The following GNA12 variants were observed in gnomAD, a reference collection of about 807,000 sequenced individuals.
The protein encoded by GNA12 is guanine nucleotide-binding protein subunit alpha-12.
In GNA12, 9 loss-of-function variants were observed where a neutral mutation model predicts 26.0. The ratio of observed to expected loss-of-function variants is 0.35; its 90% confidence interval spans 0.21 to 0.60. GNA12 has a LOEUF of 0.60. Ranked by LOEUF, GNA12 falls within the 20% of genes least tolerant of loss-of-function variation. The pLI is 0.78. For missense variants in GNA12, 405 were observed against 525.8 expected (o/e 0.77, Z 2.25); for synonymous variants, 264 against 219.6 (o/e 1.20, Z -1.79).
At chr7:2,767,895 C>T (rs1374154686) in intron 2 of GNA12, among the ~76,000 whole-genome samples, 3 of 152,204 alleles carry the variant, frequency 2.0e-5, no homozygotes, top group African/African-American at 7.2e-5. Context: ...CACTCTGTCA[C>T]CCGGGCTGGA....
intron 1 of GNA12, among the ~76,000 whole-genome samples, chr7:2,807,224 C>T (rs1792971004): frequency 6.6e-6 from 1 of 152,140 alleles, no homozygotes; most frequent in Admixed American, 6.5e-5. Flanking sequence ...ATGGAATAGA[C>T]ATTTGGCTTC....
At chr7:2,813,275 T>C (rs1244581447) in intron 1 of GNA12, among the ~76,000 whole-genome samples, 6 of 152,244 alleles carry the variant, frequency 3.9e-5, no homozygotes, top group African/African-American at 1.4e-4. Context: ...AAACTATAAA[T>C]ATTTATGAGC....
intron 1 of GNA12, among the ~76,000 whole-genome samples, chr7:2,831,921 T>G (rs1462329110): frequency 3.3e-5 from 5 of 152,184 alleles, no homozygotes; most frequent in Non-Finnish European, 7.3e-5. Flanking sequence ...AAGTAATGAC[T>G]CCCTTATCAC....
chr7:2,788,604 C>T (rs1430443700), intron 2 of GNA12, among the ~76,000 whole-genome samples: 1 of 152,214 alleles, frequency 6.6e-6, no homozygotes, highest in Non-Finnish European at 1.5e-5. Flanking sequence ...AAAGATGCTA[C>T]CGGCCTGCTC....
At chr7:2,741,824 G>C (rs970146880) in intron 2 of GNA12, among the ~76,000 whole-genome samples, 5 of 150,830 alleles carry the variant, frequency 3.3e-5, no homozygotes, top group Non-Finnish European at 7.4e-5. Context: ...TGCTTCAGGA[G>C]AACGCCGCAA....
intron 1 of GNA12, among the ~76,000 whole-genome samples, chr7:2,841,691 CG>C (rs1778992511): frequency 6.6e-6 from 1 of 152,132 alleles, no homozygotes; most frequent in Admixed American, 6.6e-5. Flanking sequence ...ATGTCAAGTG[CG>C]AATACTGGCC....
chr7:2,764,297 G>A (rs1791711231), intron 2 of GNA12, among the ~76,000 whole-genome samples: 1 of 151,242 alleles, frequency 6.6e-6, no homozygotes, highest in Non-Finnish European at 1.5e-5. Context: ...TGCCCAGGCA[G>A]GTCTCAAACT....
intron 2 of GNA12, 112 bp downstream of exon 2, chr7:2,794,816 T>G (rs1226802472): frequency 2.6e-6 from 2 of 770,632 alleles, no homozygotes; most frequent in Non-Finnish European, 4.4e-6. Context: ...TACGGTGATT[T>G]AGAGCTTGCT....
At chr7:2,825,943 T>C (rs527820261) in intron 1 of GNA12, among the ~76,000 whole-genome samples, 4 of 152,124 alleles carry the variant, frequency 2.6e-5, no homozygotes, top group African/African-American at 9.6e-5. Context: ...AATACTGAGA[T>C]GCCATTCCTC....
chr7:2,821,157 T>A (rs936995801), intron 1 of GNA12, among the ~76,000 whole-genome samples: 1 of 152,258 alleles, frequency 6.6e-6, no homozygotes, highest in African/African-American at 2.4e-5. Flanking sequence ...TTCTGCTTAT[T>A]CTTGGCTTAA....
At chr7:2,814,520 T>C (rs924726539) in intron 1 of GNA12, 3 of 693,774 alleles carry the variant, frequency 4.3e-6, no homozygotes, top group Non-Finnish European at 7.6e-6. Context: ...TTTGAGGAAA[T>C]TTCTTCTGCA....
chr7:2,745,975 C>G (rs1330499288), intron 2 of GNA12, among the ~76,000 whole-genome samples: 1 of 152,118 alleles, frequency 6.6e-6, no homozygotes, highest in Non-Finnish European at 1.5e-5. Flanking sequence ...GCTAACTATC[C>G]TAAATATATA....
intron 1 of GNA12, among the ~76,000 whole-genome samples, chr7:2,831,254 C>T (rs113349598): frequency 0.012 from 1,790 of 152,040 alleles, 17 homozygotes; most frequent in Non-Finnish European, 0.019. Context: ...CTGACCAGCT[C>T]ATCTCCCAGG....
At chr7:2,793,178 A>T (rs889341787) in intron 2 of GNA12, among the ~76,000 whole-genome samples, 5 of 152,236 alleles carry the variant, frequency 3.3e-5, no homozygotes, top group Admixed American at 1.3e-4. Context: ...CAAGGTCATG[A>T]AAGGCAAGGA....
chr7:2,828,306 T>C (rs1793528839), intron 1 of GNA12, among the ~76,000 whole-genome samples: 1 of 152,212 alleles, frequency 6.6e-6, no homozygotes, highest in Non-Finnish European at 1.5e-5. Flanking sequence ...ATAAAATAAC[T>C]ATCACCAATG....
rs768279667 is a variant in GNA12, at chr7:2,843,982, G to T, written c.180C>A (p.Ile60=). 1.3e-6 allele frequency: 2 copies of T among 1,584,068 alleles called. No individual in the cohort carries two copies. Among genetic ancestry groups the T allele is most frequent in the Admixed American group, 3.5e-5 (2 of 57,496 alleles). ...CGCTCTCGCCCGCGCCCAGCAGCAG[G>T]ATCTTCACCAGGCGCCGGACCGCGC... The part of the protein sequence containing the change: ...ERRAVRRLVK[I]LLLGAGESGK... The change falls in exon 1 of 4, where the codon ATC becomes ATA. Residue 60 remains isoleucine (I), a synonymous_variant. Transcript: ENST00000275364.
chr7:2,751,190 C>A (rs530713546), intron 2 of GNA12, among the ~76,000 whole-genome samples: 1 of 152,024 alleles, frequency 6.6e-6, no homozygotes, highest in South Asian at 2.1e-4. Flanking sequence ...GAGTTCAAGA[C>A]CTGGGCAACA....
chr7:2,815,506 A>G (rs1380798184), intron 1 of GNA12, among the ~76,000 whole-genome samples: 1 of 152,226 alleles, frequency 6.6e-6, no homozygotes, highest in Non-Finnish European at 1.5e-5. Context: ...GCAGGCAGCC[A>G]TATGCCTCTG....
intron 2 of GNA12, among the ~76,000 whole-genome samples, chr7:2,738,151 G>A (rs1433493342): frequency 1.3e-5 from 2 of 152,148 alleles, no homozygotes; most frequent in African/African-American, 4.8e-5. Flanking sequence ...GACCAGGCGT[G>A]GTGGCTCACA....
Sources: allele counts gnomAD v4.1 joint callset (sites outside exome capture counted in the v4.1 genomes callset), GRCh38; gene constraint gnomAD v4.1.1; transcripts MANE v1.5; gene names NCBI Gene and HGNC (gene_info 2026-07-23, HGNC 2026-07-21).